Variants in MICAL3 observed in about 807,000 individuals in gnomAD.
The protein encoded by MICAL3 is [F-actin]-monooxygenase MICAL3.
MICAL3 carries 62 observed loss-of-function variants against 207.4 expected under a neutral mutation model. That is an observed-to-expected ratio of 0.30 (90% CI 0.24 to 0.37). The LOEUF is 0.37. Ranked by LOEUF, MICAL3 falls within the 10% of genes least tolerant of loss-of-function variation. The pLI is 1.00. For missense variants in MICAL3, 2,368 were observed against 2,635.6 expected (o/e 0.90, Z 2.22); for synonymous variants, 1,077 against 1,069.3 (o/e 1.01, Z -0.14).
rs1021283754 is a variant in MICAL3 at position 17,791,150 on chromosome 22, A to G, written c.5750+52T>C. 1.9e-5 allele frequency: 30 copies of G among 1,606,434 alleles called. No individual in the cohort carries two copies. In the Admixed American group the frequency reaches 5.1e-4, roughly 27 times the overall value. ...CACCCCCAAATCTGGAAGGACCTCC[A>G]TGCCGGCTGTGACAAGCATAGCGCT... On this transcript the variant is annotated intron_variant, in intron 30 of 31. Transcript: ENST00000441493.
chr22:18,022,510 C>T (rs905720124), intron 1 of MICAL3, among the ~76,000 whole-genome samples: 2 of 151,992 alleles, frequency 1.3e-5, no homozygotes, highest in East Asian at 3.9e-4. Flanking sequence ...CTCACTGCAA[C>T]CTCCACCTCC....
At chr22:17,970,090 A>T (rs1451258207) in intron 1 of MICAL3, among the ~76,000 whole-genome samples, 1 of 152,170 alleles carries the variant, frequency 6.6e-6, no homozygotes, top group Non-Finnish European at 1.5e-5. Flanking sequence ...CCAGCAGGTT[A>T]GCAGGCTCTG....
At chr22:17,914,754 A>G (rs1158614337) in intron 1 of MICAL3, among the ~76,000 whole-genome samples, 1 of 152,246 alleles carries the variant, frequency 6.6e-6, no homozygotes, top group African/African-American at 2.4e-5. Flanking sequence ...CTGGTTTCAC[A>G]GTAATTCTTC....
intron 23 of MICAL3, 89 bp downstream of exon 23, chr22:17,822,858 G>A (rs546172487): frequency 9.2e-6 from 7 of 764,222 alleles, no homozygotes; most frequent in Admixed American, 5.1e-5. Context: ...GCCCAACGGC[G>A]GCCTCACTGA....
At chr22:17,920,139 G>A (rs1301970020) in intron 1 of MICAL3, among the ~76,000 whole-genome samples, 1 of 152,272 alleles carries the variant, frequency 6.6e-6, no homozygotes, top group Non-Finnish European at 1.5e-5. Flanking sequence ...GGTGACGGAG[G>A]AGGCAAGTGA....
chr22:18,012,819 G>A (rs1923832843), intron 1 of MICAL3, among the ~76,000 whole-genome samples: 1 of 152,222 alleles, frequency 6.6e-6, no homozygotes, highest in Non-Finnish European at 1.5e-5. Context: ...AAGCATTTAT[G>A]GAGCCACTCC....
At chr22:17,901,641 G>T (rs1191439122) in intron 5 of MICAL3, among the ~76,000 whole-genome samples, 1 of 152,132 alleles carries the variant, frequency 6.6e-6, no homozygotes, top group Non-Finnish European at 1.5e-5. Context: ...CTGCACTCCA[G>T]CCTGGGCAAA....
At chr22:17,891,128 G>A (rs909234961) in intron 12 of MICAL3, among the ~76,000 whole-genome samples, 67 of 152,140 alleles carry the variant, frequency 4.4e-4, no homozygotes, top group African/African-American at 1.6e-3. Flanking sequence ...ACAGCTGGCC[G>A]AAATGAAGAG....
chr22:17,887,342 G>C lies in MICAL3; in HGVS notation c.1985C>G (p.Ser662Cys). The C allele has an allele frequency of 6.2e-7, 1 of 1,613,920 alleles. No individual in the cohort carries two copies. The highest frequency in any genetic ancestry group is 1.1e-5 in the South Asian group (1 of 91,080). ...ACATACCTTGGGAGAACGCTTCCGA[G>C]AGATGGTCTGGCCAAGTTTGCTTAG... Reference protein sequence around the residue: ...SFLSKLGQTISRKRSPKDKKE... With the variant: ...SFLSKLGQTICRKRSPKDKKE... The change falls in exon 14 of 32, where the codon TCT becomes TGT. Residue 662 changes from serine (S) to cysteine (C), a missense_variant. By Grantham distance (112) the Ser-to-Cys change is moderately radical. This residue lies in a region of MICAL3 where 1,770 missense variants were observed against 1,863.2 expected (regional missense o/e 0.95). Coordinates refer to ENST00000441493, the MANE Select transcript of MICAL3 (RefSeq NM_015241.3).
chr22:17,799,364 T>C (rs1298616642), intron 29 of MICAL3, among the ~76,000 whole-genome samples: 1 of 152,078 alleles, frequency 6.6e-6, no homozygotes, highest in Non-Finnish European at 1.5e-5. Context: ...CCAGCCCGGG[T>C]GACAGAGCCA....
chr22:17,934,545 C>A (rs928189282), intron 1 of MICAL3, among the ~76,000 whole-genome samples: 6 of 152,156 alleles, frequency 3.9e-5, no homozygotes, highest in Non-Finnish European at 8.8e-5. Context: ...TGAAAACCAG[C>A]ACAAGACAAG....
rs984587229 is a variant in MICAL3 at position 17,902,006 on chromosome 22, G to A, written c.590-27C>T. On this transcript the variant is annotated intron_variant, in intron 4 of 31. Coordinates refer to ENST00000441493, the MANE Select transcript of MICAL3 (RefSeq NM_015241.3). This position sits in a 1 kb window ranked among gnomAD's most constrained non-coding sequence, Gnocchi z 4.5. ...TGTGAACCAAAACCAAATAAATGGG[G>A]GTCACCACCCAGACCACATTCACAG... is the stretch of plus-strand genomic sequence containing the variant. 2.6e-6 allele frequency: 4 copies of A among 1,544,710 alleles called. No homozygotes were observed. Among genetic ancestry groups the A allele is most frequent in the African/African-American group, 2.7e-5 (2 of 73,546 alleles).
chr22:17,830,746 A>G (rs424931), intron 21 of MICAL3, among the ~76,000 whole-genome samples: 94,791 of 152,184 alleles, frequency 0.62, 30,208 homozygotes, highest in Non-Finnish European at 0.67. Context: ...CCTCTGCCTC[A>G]GAGGGAAGAG....
chr22:17,811,702 A>G (rs1424993277), intron 27 of MICAL3, among the ~76,000 whole-genome samples: 3 of 152,232 alleles, frequency 2.0e-5, no homozygotes, highest in East Asian at 1.9e-4. Context: ...GCCTTTATTC[A>G]TAAGACCCTC....
chr22:17,826,605 GAGAA>G (rs955220717), intron 22 of MICAL3: 3 of 676,150 alleles, frequency 4.4e-6, no homozygotes, highest in Admixed American at 6.3e-5. Context: ...AAATCCCAAA[GAGAA>G]AGAAAGTGAG....
intron 22 of MICAL3, among the ~76,000 whole-genome samples, chr22:17,824,560 C>T (rs1318177737): frequency 2.0e-5 from 3 of 152,246 alleles, no homozygotes; most frequent in East Asian, 3.9e-4. Flanking sequence ...TGTAAGATGA[C>T]GGTTCAAATC....
intron 16 of MICAL3, chr22:17,881,156 ACAGG>A: frequency 6.8e-7 from 1 of 1,474,874 alleles, no homozygotes; most frequent in Non-Finnish European, 9.5e-7. Flanking sequence ...ACCTACACAG[ACAGG>A]CAGGCAGACA....
chr22:17,810,927 C>T, intron 27 of MICAL3, 114 bp from the exon 28 acceptor site: 1 of 779,526 alleles, frequency 1.3e-6, no homozygotes, highest in Non-Finnish European at 2.2e-6. Context: ...GAGCTGGTAC[C>T]CGGGCAGATA....
chr22:17,859,945 A>G (rs1360448126), intron 19 of MICAL3, among the ~76,000 whole-genome samples: 1 of 152,106 alleles, frequency 6.6e-6, no homozygotes, highest in East Asian at 1.9e-4. Context: ...GCACCACTCC[A>G]GCCCCTACAC....
Sources: gnomAD v4.1 joint callset for allele counts (sites outside exome capture counted in the v4.1 genomes callset) on GRCh38, gnomAD v4.1.1 for gene constraint, gnomAD v4.1.1 regional missense constraint, Gnocchi (gnomAD v3.1) non-coding constraint, MANE v1.5 for transcripts, NCBI Gene and HGNC (gene_info 2026-07-23, HGNC 2026-07-21) for gene names.